The following GLOD5 variants were observed in gnomAD, a reference collection of about 807,000 sequenced individuals.
The protein encoded by GLOD5 is glyoxalase domain containing 5.
Under a neutral mutation model 9.9 loss-of-function variants are expected in GLOD5, and 7 were observed. The ratio of observed to expected loss-of-function variants is 0.71; its 90% confidence interval spans 0.40 to 1.33. The LOEUF (loss-of-function observed/expected upper bound fraction) is 1.33. Ranked by LOEUF, GLOD5 falls within the 40% of genes most tolerant of loss-of-function variation. The probability of loss-of-function intolerance (pLI) is 0.01; values close to 1 mark genes in which losing one functional copy is unlikely to be tolerated. For missense variants in GLOD5, 146 were observed against 128.4 expected (o/e 1.14, Z -0.66); for synonymous variants, 49 against 47.3 (o/e 1.04, Z -0.14).
intron 2 of GLOD5, among the ~76,000 whole-genome samples, chrX:48,767,617 G>A (rs2062612595): frequency 1.8e-5 from 2 of 111,770 alleles, no homozygotes; most frequent in South Asian, 3.7e-4. Context: ...GGCTGAGGCA[G>A]GAGAATCACA....
intron 3 of GLOD5, 104 bp downstream of exon 3, chrX:48,771,186 T>C (rs1237791223): frequency 1.3e-5 from 7 of 555,609 alleles, no homozygotes; most frequent in Non-Finnish European, 1.6e-5. Flanking sequence ...AGATAATGTC[T>C]GCACACAGTT....
chrX:48,767,681 G>T (rs1557016863), intron 2 of GLOD5, among the ~76,000 whole-genome samples: 1 of 111,451 alleles, frequency 9.0e-6, no homozygotes, highest in East Asian at 2.8e-4. Flanking sequence ...TTGCACTCCA[G>T]CCTGGGCGAC....
chrX:48,771,558 C>T (rs186622000), intron 3 of GLOD5, among the ~76,000 whole-genome samples: 3 of 111,399 alleles, frequency 2.7e-5, no homozygotes, highest in East Asian at 2.8e-4. Flanking sequence ...TCAAGTGCTC[C>T]GCCCACCTCG....
chrX:48,769,531 A>C (rs184984953), intron 2 of GLOD5, among the ~76,000 whole-genome samples: 1 of 111,052 alleles, frequency 9.0e-6, no homozygotes, highest in Admixed American at 9.7e-5. Flanking sequence ...TTAAAAAAAT[A>C]AATAAATAAA....
chrX:48,770,049 C>T (rs1485464249), intron 2 of GLOD5, among the ~76,000 whole-genome samples: 1 of 106,543 alleles, frequency 9.4e-6, no homozygotes, highest in African/African-American at 3.4e-5. Flanking sequence ...CTGAGGTGGG[C>T]AGATCACCTT....
chrX:48,771,264 C>T (rs1465941584), intron 3 of GLOD5, among the ~76,000 whole-genome samples, 182 bp downstream of exon 3: 2 of 110,995 alleles, frequency 1.8e-5, no homozygotes, highest in African/African-American at 6.6e-5. Flanking sequence ...TGTGCGTTCC[C>T]ATTGTAAAAC....
Position 48,768,257 on chromosome X carries a change from G to A in GLOD5, c.201+2285G>A, listed in dbSNP as rs781792063. 7.1e-5 allele frequency among the ~76,000 whole-genome samples: 8 copies of A among 112,444 alleles called. No individual in the cohort carries two copies. In the South Asian group the frequency reaches 2.9e-3, roughly 41 times the overall value. On this transcript the variant is annotated intron_variant, in intron 2 of 3. Transcript: ENST00000303227. ...ACGGGTCTTGAAAAGAACGTGCTGAGTGAAAAATGAAGAAACAATCAGGTC... is the reference window on the plus strand; with the variant it reads ...ACGGGTCTTGAAAAGAACGTGCTGAATGAAAAATGAAGAAACAATCAGGTC...
chrX:48,771,767 C>CT (rs2062622902), intron 3 of GLOD5, among the ~76,000 whole-genome samples: 1 of 112,107 alleles, frequency 8.9e-6, no homozygotes, highest in African/African-American at 3.2e-5. Flanking sequence ...CCTGTACTCC[C>CT]TGGCCCTGAC....
intron 1 of GLOD5, among the ~76,000 whole-genome samples, chrX:48,763,154 A>C (rs2062600504): frequency 8.9e-6 from 1 of 112,101 alleles, no homozygotes; most frequent in Non-Finnish European, 1.9e-5. Context: ...GAAACTGGGA[A>C]AAGAATGGCA....
intron 1 of GLOD5, among the ~76,000 whole-genome samples, chrX:48,764,618 G>C (rs2062604507): frequency 1.9e-5 from 2 of 102,912 alleles, no homozygotes; most frequent in Non-Finnish European, 3.9e-5. Context: ...AGTGATCATA[G>C]CTCATTGCAA....
intron 1 of GLOD5, among the ~76,000 whole-genome samples, chrX:48,763,104 T>C (rs1557016192): frequency 9.0e-6 from 1 of 111,312 alleles, no homozygotes; most frequent in Non-Finnish European, 1.9e-5. Context: ...ATCAGAAAAG[T>C]AGAAAAGTTG....
intron 2 of GLOD5, 123 bp downstream of exon 2, chrX:48,766,095 T>C (rs782191626): frequency 4.8e-6 from 3 of 624,365 alleles, no homozygotes; most frequent in African/African-American, 4.5e-5. Context: ...AAGAGATCAA[T>C]AGAGGAGATT....
At chrX:48,771,158 A>G (rs2147296406) in intron 3 of GLOD5, 76 bp downstream of exon 3, 2 of 809,794 alleles carry the variant, frequency 2.5e-6, no homozygotes, top group East Asian at 6.9e-5. Flanking sequence ...CAGAGAGGTA[A>G]CAAGTTTTAC....
intron 3 of GLOD5, among the ~76,000 whole-genome samples, chrX:48,771,430 C>G (rs1264476749): frequency 1.8e-5 from 2 of 109,069 alleles, no homozygotes; most frequent in Admixed American, 2.0e-4. Context: ...ATTCTCCTGC[C>G]TCAGCCTCCC....
chrX:48,773,580 T>C lies in GLOD5; in HGVS notation c.*145T>C. The C allele has an allele frequency of 1.6e-6, 1 of 606,248 alleles. No individual in the cohort carries two copies. The allele number at this position is 606,248 out of a possible 1,213,427, so 50.0% of individuals were successfully genotyped here. ...CTGCTGAGGGGGGACCCAAGACAGG[T>C]TTGGGACCAAACCTACATGTCTGTA... On this transcript the variant is annotated 3_prime_UTR_variant, in exon 4 of 4. Transcript: ENST00000303227.
In GLOD5 at chrX:48,765,878, G is replaced by A. The variant is rs371833787; in HGVS notation, c.107G>A (p.Arg36His). Residue 36 changes from arginine (R) to histidine (H), a missense_variant, in exon 2 of 4, where the codon CGT becomes CAT. By Grantham distance (29) the Arg-to-His change is conservative (BLOSUM62 0). Transcript: ENST00000303227. Reference protein sequence around the residue: ...SSQTPPPCLIRRLDHIVMTVK... With the variant: ...SSQTPPPCLIHRLDHIVMTVK... ...CAGACCCCTCCCCCATGTCTTATCC[G>A]TAGACTTGACCACATCGTGATGACG... is the stretch of plus-strand genomic sequence containing the variant. 110 of 1,195,916 alleles carry A rather than the reference G, an allele frequency of 9.2e-5. No homozygotes were observed. Among genetic ancestry groups the A allele is most frequent in the East Asian group, 1.2e-4 (4 of 33,581 alleles).
intron 3 of GLOD5, among the ~76,000 whole-genome samples, 153 bp from the exon 4 acceptor site, chrX:48,773,157 G>C (rs1602209903): frequency 9.2e-6 from 1 of 108,199 alleles, no homozygotes; most frequent in South Asian, 4.2e-4. Flanking sequence ...AGCCTAGGAG[G>C]CAGCGGAGGT....
intron 2 of GLOD5, among the ~76,000 whole-genome samples, chrX:48,770,329 G>C (rs2062619122): frequency 8.9e-6 from 1 of 112,053 alleles, no homozygotes; most frequent in Non-Finnish European, 1.9e-5. Context: ...GCATCAGTTA[G>C]GGACTTTGGA....
chrX:48,763,433 A>G (rs2062601212), intron 1 of GLOD5, among the ~76,000 whole-genome samples: 1 of 111,439 alleles, frequency 9.0e-6, no homozygotes, highest in Non-Finnish European at 1.9e-5. Context: ...TAACCCCAAC[A>G]CTCTGGGAGG....
Sources: allele counts gnomAD v4.1 joint callset (sites outside exome capture counted in the v4.1 genomes callset), GRCh38; gene constraint gnomAD v4.1.1; transcripts MANE v1.5; gene names NCBI Gene and HGNC (gene_info 2026-07-23, HGNC 2026-07-21).